RNPEPL1: variants seen among roughly 807,000 people sequenced by gnomAD.
RNPEPL1 encodes the protein arginyl aminopeptidase like 1.
In RNPEPL1, 46 loss-of-function variants were observed where a neutral mutation model predicts 69.0. That is an observed-to-expected ratio of 0.67 (90% confidence interval 0.53 to 0.85). The LOEUF is 0.85. Ranked by LOEUF, RNPEPL1 falls within the 40% of genes least tolerant of loss-of-function variation. The pLI is 0.00. For missense variants in RNPEPL1, 869 were observed against 992.5 expected, an observed-to-expected ratio of 0.88 and a Z score of 1.67; for synonymous variants, 525 against 454.1, an observed-to-expected ratio of 1.16 and a Z score of -1.98.
intron 6 of RNPEPL1, 148 bp downstream of exon 6, chr2:240,574,776 G>A (rs1202923478): frequency 3.1e-5 from 23 of 748,352 alleles, no homozygotes; most frequent in Non-Finnish European, 4.6e-5. Context: ...CCCCTGGCCA[G>A]GGCAAGGCCT....
chr2:240,573,317 C>G, intron 3 of RNPEPL1, 56 bp downstream of exon 3: 1 of 1,503,500 alleles, frequency 6.7e-7, no homozygotes, highest in Non-Finnish European at 8.9e-7. Flanking sequence ...GAGAGCCCCA[C>G]CGGGGGTCTG....
chr2:240,573,331 C>T (rs1575436760), intron 3 of RNPEPL1, 70 bp downstream of exon 3: 12 of 1,478,006 alleles, frequency 8.1e-6, no homozygotes, highest in African/African-American at 2.8e-5. Context: ...GGGTCTGTGG[C>T]CTGTGTCCAC....
rs1252201286 is a variant in RNPEPL1, at chr2:240,579,128, C to T, written c.*1236C>T. On this transcript the variant is annotated 3_prime_UTR_variant, in exon 11 of 11. Transcript: ENST00000270357. Reference sequence around the variant, plus strand: ...CACAGTCCCCAAGGATGTGGCGCCACCATCTCAGTGCCACGCACACCTGGC... The same window carrying T: ...CACAGTCCCCAAGGATGTGGCGCCATCATCTCAGTGCCACGCACACCTGGC... The T allele has an allele frequency of 1.3e-5, 2 of 152,250 alleles. No homozygotes were observed. Among genetic ancestry groups the T allele is most frequent in the Non-Finnish European group, 2.9e-5 (2 of 68,042 alleles). 9.4% of individuals were successfully genotyped at this position (152,250 alleles called of 1,614,324 possible).
rs1048711818 is a variant in RNPEPL1, at chr2:240,578,500, G to C, written c.*608G>C. 6.6e-6 allele frequency: 1 copy of C among 152,598 alleles called. No homozygotes were observed. The highest frequency in any genetic ancestry group is 1.9e-4 in the East Asian group (1 of 5,230). 9.5% of individuals were successfully genotyped at this position (152,598 alleles called of 1,614,324 possible). On this transcript the variant is annotated 3_prime_UTR_variant, in exon 11 of 11. Transcript: ENST00000270357. ...CAACCTTAGCCCCTCAGAACAGGGA[G>C]TCCCAGGACCCAGGGAGAGTGTGGG...
Position 240,568,635 on chromosome 2 carries a change from C to G in RNPEPL1, c.49C>G (p.Pro17Ala). 1.0e-6 allele frequency: 1 copy of G among 1,001,010 alleles called. No homozygotes were observed. The highest frequency in any genetic ancestry group is 1.2e-6 in the Non-Finnish European group (1 of 844,180). The allele number at this position is 1,001,010 out of a possible 1,614,324, so 62.0% of individuals were successfully genotyped here. ...CCAGGCGCCCGGCGCCGAGGCCGCG[C>G]CCGTCCGCCCGCCGCCCGAGCCGCC... Reference protein sequence around the residue: ...CRQAPGAEAAPVRPPPEPPPA... With the variant: ...CRQAPGAEAAAVRPPPEPPPA... Residue 17 changes from proline to alanine, a missense_variant, in exon 1 of 11, where the codon CCC (proline) becomes GCC (alanine). By Grantham distance (27) the Pro-to-Ala change is conservative. Transcript: ENST00000270357. The surrounding 1 kb of genome is among the most constrained non-coding windows in gnomAD (Gnocchi z 6.2).
At position 240,578,325 on chromosome 2, in the gene RNPEPL1, T is replaced by G; in HGVS notation, c.*433T>G. ...CTCCTTGCAGGGATCTGAGCCACCC[T>G]CCCCGCACAGCCCTGCACCCCGCCC... On this transcript the variant is annotated 3_prime_UTR_variant, in exon 11 of 11. Coordinates refer to ENST00000270357, the MANE Select transcript of RNPEPL1 (RefSeq NM_018226.6). The G allele has an allele frequency of 1.9e-5, 3 of 157,932 alleles. No individual in the cohort carries two copies. Among genetic ancestry groups the G allele is most frequent in the Non-Finnish European group, 4.2e-5 (3 of 72,138 alleles). 9.8% of individuals were successfully genotyped at this position (157,932 alleles called of 1,614,324 possible).
intron 3 of RNPEPL1, 142 bp downstream of exon 3, chr2:240,573,403 T>A: frequency 1.8e-6 from 1 of 541,232 alleles, no homozygotes; most frequent in Non-Finnish European, 2.7e-6. Flanking sequence ...TGCCCCTGCC[T>A]TGGTGCCACC....
At position 240,568,610 on chromosome 2, in the gene RNPEPL1, C is replaced by T. The variant is rs1399955380; in HGVS notation, c.24C>T (p.Arg8=). 93 of 991,884 alleles carry T rather than the reference C, an allele frequency of 9.4e-5. No homozygotes were observed. The highest frequency in any genetic ancestry group is 1.1e-4 in the Non-Finnish European group (92 of 837,126). 61.4% of individuals were successfully genotyped at this position (991,884 alleles called of 1,614,324 possible). The change falls in exon 1 of 11, where the codon CGC becomes CGT. Residue 8 remains arginine, a synonymous_variant. Transcript: ENST00000270357. The surrounding 1 kb of genome is among the most constrained non-coding windows in gnomAD (Gnocchi z 6.2). ...CCATGGCCGCGCAGTGCTGCTGCCGCCAGGCGCCCGGCGCCGAGGCCGCGC... is the reference window on the plus strand; with the variant it reads ...CCATGGCCGCGCAGTGCTGCTGCCGTCAGGCGCCCGGCGCCGAGGCCGCGC... The part of the protein sequence containing the change: MAAQCCC[R]QAPGAEAAPV...
intron 4 of RNPEPL1, 79 bp from the exon 5 acceptor site, chr2:240,574,034 G>C (rs2093030436): frequency 1.4e-6 from 2 of 1,434,628 alleles, no homozygotes; most frequent in Non-Finnish European, 1.9e-6. Flanking sequence ...ATCCCTGCTG[G>C]GTGGAAGGTG....
rs2125450281 is a variant in RNPEPL1 at position 240,575,599 on chromosome 2, A to C, written c.1499A>C (p.Asp500Ala). Residue 500 changes from aspartate (D) to alanine (A), a missense_variant, in exon 8 of 11, where the codon GAC becomes GCC. Asp to Ala is a moderately radical substitution (Grantham distance 126). Around this residue, in one of 2 missense-constraint regions of RNPEPL1, gnomAD observed 610 missense variants for 790.9 expected, o/e 0.77. Transcript: ENST00000270357. ...CCGGAGCTGAAGGAGCAGAGCGTGG[A>C]CTGCCGGGCAGGTGAGGCTGACCCC... ...FFPELKEQSV[D>A]CRAGLEFERW... 1 of 1,613,082 alleles carries C rather than the reference A, an allele frequency of 6.2e-7. No individual in the cohort carries two copies. The highest frequency in any genetic ancestry group is 2.2e-5 in the East Asian group (1 of 44,884).
At chr2:240,575,720 T>A in intron 8 of RNPEPL1, 110 bp downstream of exon 8, 1 of 802,310 alleles carries the variant, frequency 1.2e-6, no homozygotes, top group East Asian at 2.6e-5. Flanking sequence ...GTCAGTTCAC[T>A]GTCTGTCCTT....
At chr2:240,573,566 C>A (rs2001544) in intron 3 of RNPEPL1, among the ~76,000 whole-genome samples, 35,136 of 152,228 alleles carry the variant, frequency 0.23, 4,687 homozygotes, top group East Asian at 0.38. Flanking sequence ...AAATGAGCTA[C>A]GTGGCCCCTG....
At chr2:240,575,844 A>C in intron 8 of RNPEPL1, 3 of 541,688 alleles carry the variant, frequency 5.5e-6, no homozygotes, top group South Asian at 2.2e-5. Context: ...CGAGTCAGGC[A>C]CTCCCAGGAA....
chr2:240,574,728 G>A (rs1022856359), intron 6 of RNPEPL1, 100 bp downstream of exon 6: 1 of 1,095,690 alleles, frequency 9.1e-7, no homozygotes, highest in Non-Finnish European at 1.3e-6. Flanking sequence ...TCTCTGTCCT[G>A]CACTGTGCCT....
intron 10 of RNPEPL1, 44 bp downstream of exon 10, chr2:240,577,034 G>C (rs367637634): frequency 2.2e-5 from 35 of 1,607,410 alleles, no homozygotes; most frequent in Non-Finnish European, 2.9e-5. Flanking sequence ...CGGCCTAGCC[G>C]TGCGGACTGG....
chr2:240,576,586 C>T lies in RNPEPL1; in HGVS notation c.1562C>T (p.Pro521Leu), dbSNP rs756555771. ...LNATGPPLAE[P>L]DLSQGSSLTR... is the part of the protein sequence containing the mutation. Reference sequence around the variant, plus strand: ...GCCACAGGCCCGCCGCTGGCTGAGCCGGACCTGTCTCAGGGATCCAGCCTG... The same window carrying T: ...GCCACAGGCCCGCCGCTGGCTGAGCTGGACCTGTCTCAGGGATCCAGCCTG... Residue 521 changes from proline (P) to leucine (L), a missense_variant, in exon 9 of 11, where the codon CCG (proline) becomes CTG (leucine). Coordinates refer to ENST00000270357, the MANE Select transcript of RNPEPL1 (RefSeq NM_018226.6). 6 of 1,612,958 alleles carry T rather than the reference C, an allele frequency of 3.7e-6. No homozygotes were observed. Among genetic ancestry groups the T allele is most frequent in the Admixed American group, 1.7e-5 (1 of 60,028 alleles).
chr2:240,571,628 T>G (rs1453482091), intron 1 of RNPEPL1, among the ~76,000 whole-genome samples: 2 of 151,320 alleles, frequency 1.3e-5, no homozygotes, highest in Admixed American at 6.6e-5. Context: ...TCAGTGGGGC[T>G]GGGGCCTGGC....
At chr2:240,570,933 T>A (rs2093019456) in intron 1 of RNPEPL1, among the ~76,000 whole-genome samples, 1 of 151,836 alleles carries the variant, frequency 6.6e-6, no homozygotes, top group Non-Finnish European at 1.5e-5. Flanking sequence ...GGGGTGGACA[T>A]GGGGCAGTAG....
chr2:240,572,274 GGGGT>G lies in RNPEPL1; in HGVS notation c.529-146_529-143del, dbSNP rs572299780. ...GCCCAGGCAGGCAAGTGAAGGCTAAGGGGTGGCTATTGGCCCTCGAACCCAGCAA... is the reference window on the plus strand; with the variant it reads ...GCCCAGGCAGGCAAGTGAAGGCTAAGGGCTATTGGCCCTCGAACCCAGCAA... On this transcript the variant is annotated intron_variant, in intron 1 of 10. Coordinates refer to ENST00000270357, the MANE Select transcript of RNPEPL1 (RefSeq NM_018226.6). 805 of 883,832 alleles carry G rather than the reference GGGGT, an allele frequency of 9.1e-4. 19 individuals are homozygous for G. The South Asian group carries it at 0.013, about 14-fold the overall frequency. The allele number at this position is 883,832 out of a possible 1,614,324, so 54.7% of individuals were successfully genotyped here.
Sources: gnomAD v4.1 joint callset for allele counts (sites outside exome capture counted in the v4.1 genomes callset) on GRCh38, gnomAD v4.1.1 for gene constraint, gnomAD v4.1.1 regional missense constraint, Gnocchi (gnomAD v3.1) non-coding constraint, MANE v1.5 for transcripts, NCBI Gene and HGNC (gene_info 2026-07-23, HGNC 2026-07-21) for gene names.